Variants in BABAM2 observed in about 807,000 individuals in gnomAD.
BABAM2 encodes the protein BRISC and BRCA1-A complex member 2.
In BABAM2, 31 loss-of-function variants were observed where a neutral mutation model predicts 54.7. That is an observed-to-expected ratio of 0.57 (90% CI 0.43 to 0.77). The LOEUF (loss-of-function observed/expected upper bound fraction) is 0.77. Among genes scored for constraint, BABAM2 ranks in the 30% least tolerant of loss-of-function variants. The pLI is 0.00. For synonymous variants in BABAM2, 167 were observed against 162.9 expected (o/e 1.03, Z -0.19); for missense variants, 364 against 455.8 (o/e 0.80, Z 1.83).
intron 11 of BABAM2, among the ~76,000 whole-genome samples, chr2:28,314,538 G>A (rs992660193): frequency 6.6e-6 from 1 of 152,192 alleles, no homozygotes; most frequent in African/African-American, 2.4e-5. Context: ...TGGATTTGTA[G>A]TGGCTAACAT....
intron 5 of BABAM2, among the ~76,000 whole-genome samples, chr2:28,030,092 C>T (rs1676185013): frequency 6.6e-6 from 1 of 151,988 alleles, no homozygotes; most frequent in African/African-American, 2.4e-5. Flanking sequence ...CTCATTCCCC[C>T]TTTTTTAATA....
intron 2 of BABAM2, among the ~76,000 whole-genome samples, chr2:27,912,092 A>G (rs1472141753): frequency 6.6e-6 from 1 of 152,224 alleles, no homozygotes; most frequent in East Asian, 1.9e-4. Flanking sequence ...GTGGAGTCTC[A>G]GTCTCCCACC....
Position 28,076,509 on chromosome 2 carries a change from T to TTAG in BABAM2, c.570+30711_570+30712insAGT, listed in dbSNP as rs1404090269. Among the ~76,000 whole-genome samples the TTAG allele has an allele frequency of 5.7e-3, 710 of 125,036 alleles. 7 individuals are homozygous for TTAG. The highest frequency in any genetic ancestry group is 0.019 in the African/African-American group (665 of 35,770). 82.0% of individuals were successfully genotyped at this position (125,036 alleles called of 152,430 possible). A position where few individuals can be genotyped will look rare whatever the true frequency, so the allele number is the denominator to read the frequency against. On this transcript the variant is annotated intron_variant, in intron 6 of 11. Coordinates refer to ENST00000379624, the MANE Select transcript of BABAM2 (RefSeq NM_199191.3). Reference sequence around the variant, plus strand: ...AGTTAGTTAGTTAGTTAGTTAGTTATTTTTGAGACAGAGTCTTGCTCTGTC... The same window carrying TTAG: ...AGTTAGTTAGTTAGTTAGTTAGTTATTAGTTTTGAGACAGAGTCTTGCTCTGTC...
intron 10 of BABAM2, among the ~76,000 whole-genome samples, chr2:28,257,044 G>A (rs1456842644): frequency 6.6e-6 from 1 of 152,044 alleles, no homozygotes; most frequent in Non-Finnish European, 1.5e-5. Context: ...TGTACTGTTG[G>A]CATCTCAGTA....
At chr2:28,125,126 T>C (rs560098623) in intron 6 of BABAM2, among the ~76,000 whole-genome samples, 3 of 152,150 alleles carry the variant, frequency 2.0e-5, no homozygotes, top group Non-Finnish European at 4.4e-5. Context: ...TTGCTCAGCC[T>C]CATTCATTGA....
At chr2:27,946,934 C>A (rs1008316362) in intron 3 of BABAM2, among the ~76,000 whole-genome samples, 1 of 152,134 alleles carries the variant, frequency 6.6e-6, no homozygotes, top group Non-Finnish European at 1.5e-5. Flanking sequence ...GACCTGTACT[C>A]ATTTCCCCTT....
At chr2:28,297,388 A>G (rs1236547564) in intron 10 of BABAM2, among the ~76,000 whole-genome samples, 1 of 152,186 alleles carries the variant, frequency 6.6e-6, no homozygotes, top group Non-Finnish European at 1.5e-5. Context: ...TATTATTTTT[A>G]TGCTGTTCCT....
At chr2:27,978,986 G>A (rs1671803082) in intron 3 of BABAM2, among the ~76,000 whole-genome samples, 1 of 151,618 alleles carries the variant, frequency 6.6e-6, no homozygotes, top group South Asian at 2.1e-4. Context: ...CTTTTTTATG[G>A]CTGTGTAGTA....
intron 2 of BABAM2, 89 bp downstream of exon 2, chr2:27,894,773 T>G: frequency 3.3e-6 from 5 of 1,506,604 alleles, no homozygotes; most frequent in Non-Finnish European, 4.5e-6. Context: ...TCATAAAAAT[T>G]GACTGCCACA....
intron 6 of BABAM2, among the ~76,000 whole-genome samples, chr2:28,089,951 TTATTATTTA>T (rs1279500734): frequency 1.3e-5 from 2 of 151,990 alleles, no homozygotes; most frequent in East Asian, 1.9e-4. Flanking sequence ...ATTTAGGGAT[TTATTATTTA>T]TATTATTTAT....
intron 3 of BABAM2, among the ~76,000 whole-genome samples, chr2:27,939,845 G>A (rs566240118): frequency 3.3e-5 from 5 of 152,258 alleles, no homozygotes; most frequent in African/African-American, 4.8e-5. Context: ...GAGAGAGGGC[G>A]TATTTCTACT....
chr2:27,934,755 T>G (rs1464995211), intron 3 of BABAM2, among the ~76,000 whole-genome samples: 6 of 152,244 alleles, frequency 3.9e-5, no homozygotes, highest in Non-Finnish European at 8.8e-5. Flanking sequence ...AGGTTTTGTT[T>G]GAATGAAAGA....
Position 28,112,197 on chromosome 2 carries a change from C to CCCTTCCTTCCTTCCTTCCTT in BABAM2, c.571-17061_571-17042dup, listed in dbSNP as rs1215942914. 4.9e-3 allele frequency among the ~76,000 whole-genome samples: 125 copies of CCCTTCCTTCCTTCCTTCCTT among 25,482 alleles called. 10 individuals carry two copies. Among genetic ancestry groups the CCCTTCCTTCCTTCCTTCCTT allele is most frequent in the Middle Eastern group, 0.024 (1 of 42 alleles). 16.7% of individuals were successfully genotyped at this position (25,482 alleles called of 152,430 possible). On this transcript the variant is annotated intron_variant, in intron 6 of 11. Coordinates refer to ENST00000379624, the MANE Select transcript of BABAM2 (RefSeq NM_199191.3). ...TCCCTCCCTCCCTCCCTCCCTCCCT[C>CCCTTCCTTCCTTCCTTCCTT]CCTTCCTTCCTTCCTTCCTTCCTTC...
At chr2:27,917,919 G>A (rs1472798035) in intron 2 of BABAM2, among the ~76,000 whole-genome samples, 1 of 152,070 alleles carries the variant, frequency 6.6e-6, no homozygotes, top group African/African-American at 2.4e-5. Context: ...ACTAATGGAA[G>A]AAATGCTTTT....
chr2:28,212,990 G>A (rs1174735663), intron 7 of BABAM2, among the ~76,000 whole-genome samples: 1 of 152,178 alleles, frequency 6.6e-6, no homozygotes, highest in African/African-American at 2.4e-5. Flanking sequence ...AGGCCAAGGT[G>A]GGTGGATCAT....
intron 7 of BABAM2, among the ~76,000 whole-genome samples, chr2:28,149,628 G>T (rs930428367): frequency 2.0e-5 from 3 of 152,026 alleles, no homozygotes; most frequent in African/African-American, 7.2e-5. Context: ...GTTTTCCTGC[G>T]CTCTTTCCAC....
At chr2:28,297,029 A>G (rs1687753952) in intron 10 of BABAM2, among the ~76,000 whole-genome samples, 1 of 152,122 alleles carries the variant, frequency 6.6e-6, no homozygotes, top group Admixed American at 6.5e-5. Flanking sequence ...TTCCTCATGT[A>G]GCTAAAAAGA....
At chr2:27,978,276 G>A (rs932656133) in intron 3 of BABAM2, among the ~76,000 whole-genome samples, 19 of 152,144 alleles carry the variant, frequency 1.2e-4, no homozygotes, top group African/African-American at 3.6e-4. Context: ...CTTGTGATGT[G>A]CCTGCTCTCC....
intron 5 of BABAM2, among the ~76,000 whole-genome samples, chr2:28,027,886 T>C (rs1444358465): frequency 1.3e-5 from 2 of 152,266 alleles, no homozygotes; most frequent in African/African-American, 4.8e-5. Flanking sequence ...ACATGGTTTT[T>C]TTGCATTTCC....
Sources: allele counts gnomAD v4.1 joint callset (sites outside exome capture counted in the v4.1 genomes callset), GRCh38; gene constraint gnomAD v4.1.1; transcripts MANE v1.5; gene names NCBI Gene and HGNC (gene_info 2026-07-23, HGNC 2026-07-21).